Variants in KAZN observed in about 807,000 individuals in gnomAD.
KAZN encodes the protein kazrin.
KAZN carries 40 observed loss-of-function variants against 87.4 expected under a neutral mutation model. That is an observed-to-expected ratio of 0.46 (90% CI 0.36 to 0.60). The LOEUF (loss-of-function observed/expected upper bound fraction) is 0.60, where lower values mean the gene tolerates loss of function less well. KAZN is among the 20% of genes least tolerant of loss of function. The probability of loss-of-function intolerance (pLI) is 0.00; values close to 1 mark genes in which losing one functional copy is unlikely to be tolerated. For missense variants in KAZN, 898 were observed against 1,073.9 expected (o/e 0.84, Z 2.29); for synonymous variants, 466 against 458.3 (o/e 1.02, Z -0.22).
intron 1 of KAZN, among the ~76,000 whole-genome samples, chr1:14,165,772 G>A (rs1645811956): frequency 6.6e-6 from 1 of 152,154 alleles, no homozygotes; most frequent in Non-Finnish European, 1.5e-5. Flanking sequence ...CTTTGGCTCT[G>A]ACTACAGTGT....
intron 2 of KAZN, among the ~76,000 whole-genome samples, chr1:14,541,538 G>C (rs1021584263): frequency 1.3e-5 from 2 of 152,176 alleles, no homozygotes; most frequent in Admixed American, 1.3e-4. Flanking sequence ...TGATAAGCCA[G>C]GTAGCCTTGA....
intron 2 of KAZN, among the ~76,000 whole-genome samples, chr1:14,247,471 A>G (rs982206180): frequency 2.0e-5 from 3 of 152,176 alleles, no homozygotes; most frequent in African/African-American, 4.8e-5. Flanking sequence ...AAAACATTCA[A>G]TTTGCTCTCA....
chr1:13,964,281 T>C (rs1641862480), intron 1 of KAZN, among the ~76,000 whole-genome samples: 1 of 152,304 alleles, frequency 6.6e-6, no homozygotes, highest in South Asian at 2.1e-4. Context: ...GTGTATTTTA[T>C]AGTGTATTAG....
At chr1:14,394,925 C>CTTCT (rs1662768045) in intron 2 of KAZN, among the ~76,000 whole-genome samples, 1 of 152,152 alleles carries the variant, frequency 6.6e-6, no homozygotes, top group Non-Finnish European at 1.5e-5. Flanking sequence ...GACTCAGGAG[C>CTTCT]TTCTGTTCAG....
chr1:14,275,500 T>C (rs1652282795), intron 2 of KAZN, among the ~76,000 whole-genome samples: 1 of 135,972 alleles, frequency 7.4e-6, no homozygotes, highest in Non-Finnish European at 1.6e-5. Context: ...GTCTAAACAA[T>C]ACATTAGTTT....
Position 15,081,566 on chromosome 1 carries a change from G to GTA in KAZN, c.1223-12613_1223-12612insAT. On this transcript the variant is annotated intron_variant, in intron 8 of 14. Transcript: ENST00000376030. This position sits in a 1 kb window ranked among gnomAD's most constrained non-coding sequence, Gnocchi z 4.1. ...GTTCCAGGAATTAATGACAGCGTGTGTGTGTGTGTGTGTGAGTGTGTGTGT... is the reference window on the plus strand; with the variant it reads ...GTTCCAGGAATTAATGACAGCGTGTGTATGTGTGTGTGTGTGAGTGTGTGTGT... 6.6e-6 allele frequency among the ~76,000 whole-genome samples: 1 copy of GTA among 152,014 alleles called. No homozygotes were observed. The highest frequency in any genetic ancestry group is 1.9e-4 in the East Asian group (1 of 5,164).
intron 1 of KAZN, among the ~76,000 whole-genome samples, chr1:14,136,901 A>G (rs991825650): frequency 1.9e-4 from 29 of 152,206 alleles, no homozygotes; most frequent in African/African-American, 6.7e-4. Context: ...TCAAGCTTTC[A>G]GTGGGGCTGG....
intron 1 of KAZN, among the ~76,000 whole-genome samples, chr1:14,913,393 A>G (rs1657454999): frequency 6.6e-6 from 1 of 152,246 alleles, no homozygotes; most frequent in African/African-American, 2.4e-5. Context: ...TTCAGGGGGA[A>G]GATGCCAGTC....
At chr1:15,076,794 G>A (rs914369799) in intron 8 of KAZN, among the ~76,000 whole-genome samples, 2 of 152,212 alleles carry the variant, frequency 1.3e-5, no homozygotes, top group Admixed American at 6.5e-5. Flanking sequence ...GCACTGCCTC[G>A]CGAGCAAGCT....
intron 2 of KAZN, among the ~76,000 whole-genome samples, chr1:14,554,127 G>A (rs577273249): frequency 3.3e-5 from 5 of 152,028 alleles, no homozygotes; most frequent in Non-Finnish European, 5.9e-5. Context: ...TTTGAGCCTC[G>A]GTGACCTCAT....
chr1:14,647,880 G>C (rs1680925812), intron 1 of KAZN, among the ~76,000 whole-genome samples: 2 of 152,122 alleles, frequency 1.3e-5, no homozygotes, highest in South Asian at 4.2e-4. Flanking sequence ...CCTAGAGAGG[G>C]AATCTTAACA....
In KAZN at chr1:14,735,105, G is replaced by C. The variant is rs893167023; in HGVS notation, c.226+135882G>C. On this transcript the variant is annotated intron_variant, in intron 1 of 14. Coordinates refer to ENST00000376030, the MANE Select transcript of KAZN (RefSeq NM_201628.3). The surrounding 1 kb of genome is among the most constrained non-coding windows in gnomAD (Gnocchi z 4.3). ...GACGGAGTCTCGCTCTTTCGCCCAG[G>C]CCGGACTGTAGTGGCGCTATCTCGG... Among the ~76,000 whole-genome samples the C allele has an allele frequency of 1.3e-5, 2 of 152,150 alleles. No individual in the cohort carries two copies. Among genetic ancestry groups the C allele is most frequent in the African/African-American group, 4.8e-5 (2 of 41,414 alleles).
chr1:14,879,457 A>G (rs1353737932), intron 1 of KAZN, among the ~76,000 whole-genome samples: 1 of 152,228 alleles, frequency 6.6e-6, no homozygotes, highest in Non-Finnish European at 1.5e-5. Flanking sequence ...TACAGGAGTA[A>G]ATAGTTCTAA....
intron 2 of KAZN, among the ~76,000 whole-genome samples, chr1:14,583,829 T>C (rs559570119): frequency 6.6e-6 from 1 of 152,292 alleles, no homozygotes; most frequent in East Asian, 1.9e-4. Flanking sequence ...GCTAGACATT[T>C]GTATTCCCCC....
intron 1 of KAZN, among the ~76,000 whole-genome samples, chr1:14,844,531 G>A (rs1015580003): frequency 6.6e-6 from 1 of 152,212 alleles, no homozygotes; most frequent in Non-Finnish European, 1.5e-5. Context: ...GGCTGAACAT[G>A]CGCTAGAAGT....
At chr1:14,363,992 AAG>A (rs1284266716) in intron 2 of KAZN, among the ~76,000 whole-genome samples, 4 of 148,946 alleles carry the variant, frequency 2.7e-5, no homozygotes, top group South Asian at 2.1e-4. Context: ...TTTAATTTGG[AAG>A]AGAGAGATAT....
intron 1 of KAZN, among the ~76,000 whole-genome samples, chr1:14,838,912 G>A (rs1051507496): frequency 9.2e-5 from 14 of 152,072 alleles, no homozygotes; most frequent in Admixed American, 3.9e-4. Context: ...GTGAGCCACC[G>A]CACCTGGCCC....
At chr1:14,183,495 C>A (rs1316752587) in intron 2 of KAZN, among the ~76,000 whole-genome samples, 5 of 152,080 alleles carry the variant, frequency 3.3e-5, no homozygotes, top group Non-Finnish European at 7.4e-5. Flanking sequence ...CCATTCAGAT[C>A]GCATTTGAAA....
At chr1:15,033,142 T>G (rs1671899217) in intron 2 of KAZN, among the ~76,000 whole-genome samples, 1 of 152,146 alleles carries the variant, frequency 6.6e-6, no homozygotes, top group Non-Finnish European at 1.5e-5. Context: ...TTGTGTAGGT[T>G]GTGTGCAAAT....
Sources: allele counts gnomAD v4.1 joint callset (sites outside exome capture counted in the v4.1 genomes callset), GRCh38; gene constraint gnomAD v4.1.1; non-coding constraint Gnocchi (gnomAD v3.1); transcripts MANE v1.5; gene names NCBI Gene and HGNC (gene_info 2026-07-23, HGNC 2026-07-21).